Variants in ERG observed in about 807,000 individuals in gnomAD.
ERG encodes transcriptional regulator ERG.
ERG carries 9 observed loss-of-function variants against 55.3 expected under a neutral mutation model. That is an observed-to-expected ratio of 0.16 (90% CI 0.10 to 0.28). The LOEUF is 0.28. Ranked by LOEUF, ERG falls within the 10% of genes least tolerant of loss-of-function variation. The pLI is 1.00. For synonymous variants in ERG, 223 were observed against 237.3 expected (o/e 0.94, Z 0.55); for missense variants, 434 against 631.6 (o/e 0.69, Z 3.35).
At position 38,496,613 on chromosome 21, in the gene ERG, C is replaced by T. The variant is rs528338201; in HGVS notation, c.18+1750G>A. On this transcript the variant is annotated intron_variant, in intron 1 of 9. Transcript: ENST00000288319. ...TTCACTTGGGTACATACAATAAACA[C>T]ATAATGCAATGTAATAAAATGTTAA... Among the ~76,000 whole-genome samples, 19 of 152,270 alleles carry T rather than the reference C, an allele frequency of 1.2e-4. No homozygotes were observed. In the South Asian group the frequency reaches 3.1e-3, roughly 25 times the overall value.
intron 1 of ERG, among the ~76,000 whole-genome samples, chr21:38,624,305 C>T (rs763148144): frequency 6.8e-6 from 1 of 147,086 alleles, no homozygotes; most frequent in Non-Finnish European, 1.5e-5. Flanking sequence ...GGGTGGGGGA[C>T]AAGGGGAGGG....
chr21:38,602,983 C>T (rs868654624), intron 1 of ERG, among the ~76,000 whole-genome samples: 6 of 151,988 alleles, frequency 3.9e-5, no homozygotes, highest in South Asian at 2.1e-4. Flanking sequence ...CAGGCAAGAA[C>T]AAAATCTGCC....
At chr21:38,513,391 C>T (rs1568871345) in intron 2 of ERG, among the ~76,000 whole-genome samples, 1 of 152,068 alleles carries the variant, frequency 6.6e-6, no homozygotes, top group Non-Finnish European at 1.5e-5. Context: ...GGATTTGTTT[C>T]AGCATGAAAG....
chr21:38,486,033 A>G (rs1348744804), intron 1 of ERG, among the ~76,000 whole-genome samples: 1 of 151,950 alleles, frequency 6.6e-6, no homozygotes, highest in Admixed American at 6.6e-5. Flanking sequence ...TCCCAGGTTC[A>G]AGCAATTCTC....
chr21:38,572,797 A>G (rs764119948), intron 2 of ERG, among the ~76,000 whole-genome samples: 4 of 152,220 alleles, frequency 2.6e-5, no homozygotes, highest in Non-Finnish European at 5.9e-5. Context: ...ACATCAACCA[A>G]TATGATGATG....
At chr21:38,368,493 T>C in the ERG span, among the ~76,000 whole-genome samples, 1 of 152,102 alleles carries the variant, frequency 6.6e-6, no homozygotes, top group Non-Finnish European at 1.5e-5. Flanking sequence ...CATGAAAAAA[T>C]TTCTTTTTTC....
In ERG at chr21:38,553,014, AC is replaced by A. The variant is rs373756294; in HGVS notation, c.-41+22647del. On this transcript the variant is annotated intron_variant, in intron 2 of 8. Coordinates refer to the ERG transcript ENST00000398897. Reference sequence around the variant, plus strand: ...ACGTTTTAGGATACAAAATCAATGTACAAAAATCAGTAGCATTTCTAAACAT... The same window carrying A: ...ACGTTTTAGGATACAAAATCAATGTAAAAAATCAGTAGCATTTCTAAACAT... Among the ~76,000 whole-genome samples the A allele has an allele frequency of 6.2e-3, 942 of 152,298 alleles. 2 individuals carry two copies. The highest frequency in any genetic ancestry group is 0.011 in the Non-Finnish European group (717 of 68,026).
rs376274115 is a variant in ERG at position 38,563,419 on chromosome 21, T to C, written c.-41+12243A>G. ...GGGGCAGGAATTATATGAGAACACT[T>C]GTGGTATATGCTCAAGTCTGTTGTG... On this transcript the variant is annotated intron_variant, in intron 2 of 8. Transcript: ENST00000398897. 2.2e-4 allele frequency among the ~76,000 whole-genome samples: 34 copies of C among 152,366 alleles called. No individual in the cohort carries two copies. In the East Asian group the frequency reaches 6.0e-3, roughly 27 times the overall value.
At chr21:38,572,779 A>G (rs1231350913) in intron 2 of ERG, among the ~76,000 whole-genome samples, 1 of 152,230 alleles carries the variant, frequency 6.6e-6, no homozygotes, top group Non-Finnish European at 1.5e-5. Context: ...ATTATATTTC[A>G]TATATTGACA....
intron 1 of ERG, among the ~76,000 whole-genome samples, chr21:38,492,423 A>G (rs2059344576): frequency 1.3e-5 from 2 of 152,258 alleles, no homozygotes; most frequent in African/African-American, 4.8e-5. Flanking sequence ...CTCTAAAAAC[A>G]TAAGAATTCT....
intron 6 of ERG, 52 bp downstream of exon 6, chr21:38,400,522 G>T: frequency 2.1e-6 from 3 of 1,400,004 alleles, no homozygotes; most frequent in Non-Finnish European, 3.0e-6. Flanking sequence ...GATCTCAGCA[G>T]GACATCTGGG....
At chr21:38,493,702 T>C (rs1774235534) in intron 1 of ERG, among the ~76,000 whole-genome samples, 1 of 152,212 alleles carries the variant, frequency 6.6e-6, no homozygotes, top group Admixed American at 6.5e-5. Flanking sequence ...CAACCCTCTC[T>C]GACCAGCACC....
intron 1 of ERG, among the ~76,000 whole-genome samples, chr21:38,599,533 C>A (rs1042446064): frequency 6.6e-6 from 1 of 152,208 alleles, no homozygotes; most frequent in African/African-American, 2.4e-5. Flanking sequence ...CTTCCTGCTC[C>A]AACCCTGGAG....
Position 38,591,518 on chromosome 21 carries a change from CT to C in ERG, c.-149-6574del, listed in dbSNP as rs555363038. Among the ~76,000 whole-genome samples, 16 of 152,180 alleles carry C rather than the reference CT, an allele frequency of 1.1e-4. No homozygotes were observed. In the South Asian group the frequency reaches 2.9e-3, roughly 28 times the overall value. On this transcript the variant is annotated intron_variant, in intron 1 of 10. Coordinates refer to the ERG transcript ENST00000398910. ...ACCAGCCTGGCCAACATGGTGAAAC[CT>C]TATCTCTACTAAAAATACAAAAATT...
At chr21:38,588,439 T>A (rs1307798531), upstream of ERG, among the ~76,000 whole-genome samples, 2 of 152,122 alleles carry the variant, frequency 1.3e-5, no homozygotes. Context: ...AGGCACCAGA[T>A]CATCAGGAAA....
intron 1 of ERG, among the ~76,000 whole-genome samples, chr21:38,461,192 T>A (rs757843471): frequency 6.6e-6 from 1 of 152,108 alleles, no homozygotes; most frequent in South Asian, 2.1e-4. Context: ...AGCAGCGGGG[T>A]TGATTCCTCC....
chr21:38,630,423 C>T (rs984947443), intron 1 of ERG, among the ~76,000 whole-genome samples: 21 of 152,092 alleles, frequency 1.4e-4, no homozygotes, highest in Non-Finnish European at 2.9e-4. Context: ...ATGGCTGCTC[C>T]AACTCCAGTC....
intron 2 of ERG, among the ~76,000 whole-genome samples, chr21:38,523,381 T>A (rs1348589956): frequency 6.6e-6 from 1 of 152,212 alleles, no homozygotes; most frequent in Non-Finnish European, 1.5e-5. Flanking sequence ...TGCTGATATA[T>A]CTTATATAAC....
At chr21:38,378,118 G>A (rs1569048400), downstream of ERG, among the ~76,000 whole-genome samples, 1 of 152,158 alleles carries the variant, frequency 6.6e-6, no homozygotes, top group Admixed American at 6.5e-5. Flanking sequence ...AAGCCCTAAT[G>A]TACTGCTGAC....
Sources: allele counts gnomAD v4.1 joint callset (sites outside exome capture counted in the v4.1 genomes callset), GRCh38; gene constraint gnomAD v4.1.1; transcripts MANE v1.5; gene names NCBI Gene and HGNC (gene_info 2026-07-23, HGNC 2026-07-21).